Variants in ELAVL2 observed in about 807,000 individuals in gnomAD.
ELAVL2 encodes the protein ELAV-like protein 2.
In ELAVL2, 4 loss-of-function variants were observed where a neutral mutation model predicts 34.6. That is an observed-to-expected ratio of 0.12 (90% CI 0.06 to 0.26). The LOEUF (loss-of-function observed/expected upper bound fraction) is 0.26, where lower values mean the gene tolerates loss of function less well. ELAVL2 is among the 10% of genes least tolerant of loss of function. The pLI is 1.00. For synonymous variants in ELAVL2, 193 were observed against 154.8 expected (o/e 1.25, Z -1.83); for missense variants, 432 against 442.8 (o/e 0.98, Z 0.22).
chr9:23,751,171 C>G (rs965004482), intron 2 of ELAVL2, among the ~76,000 whole-genome samples: 1 of 151,900 alleles, frequency 6.6e-6, no homozygotes, highest in Non-Finnish European at 1.5e-5. Context: ...GACTTGTACG[C>G]CATACACATT....
chr9:23,764,235 G>A (rs768154516), intron 1 of ELAVL2, among the ~76,000 whole-genome samples: 3 of 152,108 alleles, frequency 2.0e-5, no homozygotes, highest in Non-Finnish European at 2.9e-5. Context: ...CAAGAGACCC[G>A]AATGGGAGAT....
At chr9:23,844,903 G>A in the ELAVL2 span, among the ~76,000 whole-genome samples, 1 of 151,882 alleles carries the variant, frequency 6.6e-6, no homozygotes, top group Admixed American at 6.6e-5. Flanking sequence ...GATAATTGTG[G>A]TGCATAGCTT....
chr9:23,728,935 T>A (rs1255944738), intron 3 of ELAVL2, among the ~76,000 whole-genome samples: 1 of 152,094 alleles, frequency 6.6e-6, no homozygotes, highest in Non-Finnish European at 1.5e-5. Context: ...CCCATTACCC[T>A]GACCCACATC....
intron 2 of ELAVL2, among the ~76,000 whole-genome samples, chr9:23,740,979 T>C (rs1052166101): frequency 6.6e-5 from 10 of 152,222 alleles, no homozygotes; most frequent in African/African-American, 2.4e-4. Flanking sequence ...ACATGGTCTC[T>C]GCCCTCTAAG....
intron 1 of ELAVL2, among the ~76,000 whole-genome samples, chr9:23,823,211 G>A (rs540956874): frequency 9.9e-4 from 151 of 152,302 alleles, no homozygotes; most frequent in African/African-American, 3.6e-3. Context: ...AAGCGCCTGC[G>A]CCTCTTTGAC....
At chr9:23,828,406 CT>C (rs528893293), upstream of ELAVL2, among the ~76,000 whole-genome samples, 405 of 152,108 alleles carry the variant, frequency 2.7e-3, 1 homozygote, top group Middle Eastern at 6.8e-3. Flanking sequence ...GAAACTAATA[CT>C]TTTTTTGGTG....
At chr9:23,697,565 G>C (rs542546137) in intron 5 of ELAVL2, among the ~76,000 whole-genome samples, 9 of 152,012 alleles carry the variant, frequency 5.9e-5, no homozygotes, top group Non-Finnish European at 1.0e-4. Context: ...TTATGAAAAA[G>C]GCACATAGGA....
intron 2 of ELAVL2, among the ~76,000 whole-genome samples, chr9:23,761,273 C>CAT (rs2054930404): frequency 1.3e-5 from 2 of 152,042 alleles, no homozygotes; most frequent in African/African-American, 4.8e-5. Context: ...TGTCTAACTT[C>CAT]ATGTATTTTT....
At chr9:23,841,939 A>T in the ELAVL2 span, among the ~76,000 whole-genome samples, 520 of 152,266 alleles carry the variant, frequency 3.4e-3, 2 homozygotes, top group Non-Finnish European at 6.2e-3. Flanking sequence ...CTTTTTCAAT[A>T]TGATTCTCGA....
At chr9:23,733,549 T>C (rs1232081861) in intron 2 of ELAVL2, among the ~76,000 whole-genome samples, 1 of 152,206 alleles carries the variant, frequency 6.6e-6, no homozygotes, top group Non-Finnish European at 1.5e-5. Flanking sequence ...TTGCGTTGTT[T>C]AGGTACACGT....
chr9:23,848,408 T>C, the ELAVL2 span, among the ~76,000 whole-genome samples: 7 of 152,252 alleles, frequency 4.6e-5, no homozygotes, highest in Non-Finnish European at 8.8e-5. Context: ...AACAAATTAG[T>C]AGTTTAACCA....
chr9:23,701,256 G>C (rs2037098140), intron 5 of ELAVL2, 123 bp downstream of exon 5: 3 of 1,018,188 alleles, frequency 2.9e-6, no homozygotes, highest in Non-Finnish European at 4.4e-6. Context: ...AAAATTAATA[G>C]TAATAAAACC....
At chr9:23,722,078 A>G (rs2134117036) in intron 3 of ELAVL2, among the ~76,000 whole-genome samples, 1 of 152,314 alleles carries the variant, frequency 6.6e-6, no homozygotes, top group South Asian at 2.1e-4. Flanking sequence ...TAAAACATCC[A>G]CAAGTAATTC....
intron 1 of ELAVL2, among the ~76,000 whole-genome samples, chr9:23,781,001 A>G (rs1376871465): frequency 6.6e-6 from 1 of 152,246 alleles, no homozygotes; most frequent in Admixed American, 6.5e-5. Context: ...CATAAAGTCC[A>G]AAGACAATCA....
At chr9:23,787,762 C>T (rs1039670647) in intron 1 of ELAVL2, among the ~76,000 whole-genome samples, 1 of 152,048 alleles carries the variant, frequency 6.6e-6, no homozygotes, top group African/African-American at 2.4e-5. Context: ...TATCAGCACC[C>T]GATTTGATTC....
intron 3 of ELAVL2, among the ~76,000 whole-genome samples, chr9:23,717,238 T>C (rs1020589505): frequency 6.6e-6 from 1 of 152,202 alleles, no homozygotes. Context: ...GTACACTAAA[T>C]ACTGCTTAGA....
intron 2 of ELAVL2, among the ~76,000 whole-genome samples, chr9:23,759,700 T>C (rs997660875): frequency 6.9e-6 from 1 of 145,582 alleles, no homozygotes; most frequent in Non-Finnish European, 1.5e-5. Flanking sequence ...TACAAATATA[T>C]ACTATATATA....
Position 23,690,626 on chromosome 9 carries a change from A to C in ELAVL2, c.*1931T>G, listed in dbSNP as rs1587097038. 6.6e-6 allele frequency: 1 copy of C among 152,632 alleles called. No homozygotes were observed. The highest frequency in any genetic ancestry group is 2.4e-5 in the African/African-American group (1 of 41,530). 9.5% of individuals were successfully genotyped at this position (152,632 alleles called of 1,614,324 possible). ...ACTGTACTATACTGAAAAATTTTATAACTACAATTTTAAATAATAAAAAAT... is the reference window on the plus strand; with the variant it reads ...ACTGTACTATACTGAAAAATTTTATCACTACAATTTTAAATAATAAAAAAT... On this transcript the variant is annotated 3_prime_UTR_variant, in exon 7 of 7. Coordinates refer to ENST00000397312, the MANE Select transcript of ELAVL2 (RefSeq NM_004432.5).
chr9:23,716,333 TA>T (rs531123185), intron 3 of ELAVL2, among the ~76,000 whole-genome samples: 6 of 152,250 alleles, frequency 3.9e-5, no homozygotes, highest in African/African-American at 1.4e-4. Context: ...TATGTATATA[TA>T]AAAAAACTTT....
Sources: gnomAD v4.1 joint callset for allele counts (sites outside exome capture counted in the v4.1 genomes callset) on GRCh38, gnomAD v4.1.1 for gene constraint, MANE v1.5 for transcripts, NCBI Gene and HGNC (gene_info 2026-07-23, HGNC 2026-07-21) for gene names.